Variants in KDM6A observed in about 807,000 individuals in gnomAD.
KDM6A encodes lysine demethylase 6A.
KDM6A carries 11 observed loss-of-function variants against 117.6 expected under a neutral mutation model. The ratio of observed to expected loss-of-function variants is 0.09; its 90% confidence interval spans 0.06 to 0.15. The LOEUF (loss-of-function observed/expected upper bound fraction) is 0.15, where lower values mean the gene tolerates loss of function less well. Among genes scored for constraint, KDM6A ranks in the 10% least tolerant of loss-of-function variants. KDM6A has a pLI of 1.00. For missense variants in KDM6A, 799 were observed against 1,077.3 expected, an observed-to-expected ratio of 0.74 and a Z score of 3.62; for synonymous variants, 384 against 396.1, an observed-to-expected ratio of 0.97 and a Z score of 0.36.
chrX:44,976,401 C>T (rs1422450828), intron 4 of KDM6A, among the ~76,000 whole-genome samples: 1 of 110,651 alleles, frequency 9.0e-6, no homozygotes, highest in South Asian at 3.9e-4. Context: ...CCTCAGTATC[C>T]GTGGGGCATT....
intron 2 of KDM6A, among the ~76,000 whole-genome samples, chrX:44,883,065 GT>G (rs56794838): frequency 6.2e-4 from 62 of 99,619 alleles, no homozygotes; most frequent in Non-Finnish European, 5.9e-4. Flanking sequence ...GAGCAGTTAA[GT>G]TTTTTTTTTT....
intron 2 of KDM6A, among the ~76,000 whole-genome samples, chrX:44,910,824 A>G (rs1454566124): frequency 8.9e-6 from 1 of 111,776 alleles, no homozygotes; most frequent in African/African-American, 3.3e-5. Context: ...GGGTAAGGTC[A>G]TAGATCAACA....
intron 2 of KDM6A, among the ~76,000 whole-genome samples, chrX:44,877,472 A>C (rs180675791): frequency 1.9e-3 from 213 of 110,525 alleles, no homozygotes; most frequent in Non-Finnish European, 3.0e-3. Flanking sequence ...TCGAAAACTA[A>C]GCAAAATATT....
intron 10 of KDM6A, among the ~76,000 whole-genome samples, chrX:45,055,835 A>AAGAT (rs1327565529): frequency 9.0e-6 from 1 of 111,715 alleles, no homozygotes; most frequent in Non-Finnish European, 1.9e-5. Flanking sequence ...CTTCTGACCT[A>AAGAT]AGATAGTTTA....
At chrX:44,953,399 G>T (rs183717334) in intron 2 of KDM6A, among the ~76,000 whole-genome samples, 1 of 111,807 alleles carries the variant, frequency 8.9e-6, no homozygotes, top group East Asian at 2.8e-4. Flanking sequence ...TCAGCCTTCA[G>T]TCTGTGTAAA....
At chrX:44,879,539 G>C (rs1023867853) in intron 2 of KDM6A, among the ~76,000 whole-genome samples, 2 of 111,940 alleles carry the variant, frequency 1.8e-5, no homozygotes, top group African/African-American at 6.5e-5. Context: ...GTAAATTATC[G>C]TGACAGTAAA....
intron 2 of KDM6A, among the ~76,000 whole-genome samples, chrX:44,892,562 G>A (rs1266953835): frequency 1.8e-5 from 2 of 110,908 alleles, no homozygotes; most frequent in Admixed American, 1.9e-4. Context: ...CTTGGTTGCC[G>A]GCGCTTGTAG....
At chrX:44,958,193 T>C (rs2038450614) in intron 2 of KDM6A, among the ~76,000 whole-genome samples, 1 of 108,254 alleles carries the variant, frequency 9.2e-6, no homozygotes, top group Non-Finnish European at 1.9e-5. Context: ...TTTTTTTTTT[T>C]TTTTTTGAGG....
At chrX:44,941,222 C>G (rs1408834922) in intron 2 of KDM6A, among the ~76,000 whole-genome samples, 1 of 111,549 alleles carries the variant, frequency 9.0e-6, no homozygotes, top group Non-Finnish European at 1.9e-5. Context: ...GTTTTGCTCA[C>G]CATTGCTTTT....
chrX:45,097,176 T>C lies in KDM6A; in HGVS notation c.4034+6312T>C, dbSNP rs182760111. Among the ~76,000 whole-genome samples, 320 of 109,912 alleles carry C rather than the reference T, an allele frequency of 2.9e-3. 1 individual carries two copies. The highest frequency in any genetic ancestry group is 0.01 in the African/African-American group (311 of 30,222). On this transcript the variant is annotated intron_variant, in intron 27 of 29. Coordinates refer to ENST00000611820, the MANE Select transcript of KDM6A (RefSeq NM_001291415.2). ...TAAATTATGAGACCACATGGACGCA[T>C]AGAGGGGAACAACAGACACTGGGAC...
chrX:44,988,965 A>T (rs1183083786), intron 4 of KDM6A, among the ~76,000 whole-genome samples: 1 of 109,770 alleles, frequency 9.1e-6, no homozygotes, highest in Non-Finnish European at 1.9e-5. Flanking sequence ...TCTGCAGAGG[A>T]TTCTGCTGCC....
In KDM6A at chrX:45,083,384, A is replaced by G. The variant is rs1361776085; in HGVS notation, c.3441-76A>G. 13 of 966,299 alleles carry G rather than the reference A, an allele frequency of 1.3e-5. No homozygotes were observed. In the East Asian group the frequency reaches 2.8e-4, roughly 21 times the overall value. 79.6% of individuals were successfully genotyped at this position (966,299 alleles called of 1,213,427 possible). A position where few individuals can be genotyped will look rare whatever the true frequency, so the allele number is the denominator to read the frequency against. ...AATTGTTTTTTCTGATTGGAACACA[A>G]GGGTTTTGAAGAAATGGTAAACTTC... On this transcript the variant is annotated intron_variant, in intron 23 of 29. Coordinates refer to ENST00000611820, the MANE Select transcript of KDM6A (RefSeq NM_001291415.2).
chrX:44,987,797 C>T (rs1387887709), intron 4 of KDM6A, among the ~76,000 whole-genome samples: 1 of 111,636 alleles, frequency 9.0e-6, no homozygotes, highest in Non-Finnish European at 1.9e-5. Context: ...TGATGGGCTT[C>T]CCTTTGTGGG....
intron 2 of KDM6A, among the ~76,000 whole-genome samples, chrX:44,907,756 T>C (rs2034818462): frequency 9.7e-6 from 1 of 103,042 alleles, no homozygotes; most frequent in Non-Finnish European, 2.0e-5. Flanking sequence ...CCTCCATTTT[T>C]TTTTTTTTTT....
chrX:44,930,313 T>G (rs1160123070), intron 2 of KDM6A, among the ~76,000 whole-genome samples: 1 of 111,809 alleles, frequency 8.9e-6, no homozygotes, highest in Non-Finnish European at 1.9e-5. Context: ...ATTTATCATT[T>G]TTTCTCTGAT....
At chrX:44,899,032 TG>T in intron 2 of KDM6A, among the ~76,000 whole-genome samples, 1 of 101,439 alleles carries the variant, frequency 9.9e-6, no homozygotes, top group South Asian at 4.6e-4. Context: ...TGTGTGTGTG[TG>T]TGTGTTTGTT....
At chrX:44,912,844 A>G (rs991037870) in intron 2 of KDM6A, among the ~76,000 whole-genome samples, 1 of 112,289 alleles carries the variant, frequency 8.9e-6, no homozygotes, top group Admixed American at 9.4e-5. Flanking sequence ...TTATATTGTA[A>G]CATTTTTACC....
chrX:44,982,268 T>C (rs2039952773), intron 4 of KDM6A, among the ~76,000 whole-genome samples: 1 of 111,496 alleles, frequency 9.0e-6, no homozygotes, highest in South Asian at 3.7e-4. Context: ...GATATGTATT[T>C]TTTTGTACAT....
intron 4 of KDM6A, among the ~76,000 whole-genome samples, chrX:44,996,983 G>A (rs2040891021): frequency 9.0e-6 from 1 of 111,647 alleles, no homozygotes; most frequent in Non-Finnish European, 1.9e-5. Context: ...CGCTTCTTCA[G>A]TGCCCCACTG....
Sources: allele counts gnomAD v4.1 joint callset (sites outside exome capture counted in the v4.1 genomes callset), GRCh38; gene constraint gnomAD v4.1.1; transcripts MANE v1.5; gene names NCBI Gene and HGNC (gene_info 2026-07-23, HGNC 2026-07-21).